The following BLTP1 variants were observed in gnomAD, a reference collection of about 807,000 sequenced individuals.
BLTP1 encodes bridge-like lipid transfer protein family member 1.
chr4:122,166,083 T>A, the BLTP1 span, among the ~76,000 whole-genome samples: 2 of 152,260 alleles, frequency 1.3e-5, no homozygotes, highest in South Asian at 4.1e-4. Flanking sequence ...TTTAATTAGA[T>A]CCCATTTGTC....
At chr4:122,348,180 A>C in the BLTP1 span, among the ~76,000 whole-genome samples, 1 of 152,196 alleles carries the variant, frequency 6.6e-6, no homozygotes, top group Non-Finnish European at 1.5e-5. Flanking sequence ...AGGCACCCCA[A>C]CCGGCATCTG....
the BLTP1 span, chr4:122,261,209 C>A: frequency 1.4e-6 from 1 of 708,656 alleles, no homozygotes; most frequent in Non-Finnish European, 1.7e-6. Context: ...AACTATTGAG[C>A]TTATTGTTTC....
the BLTP1 span, among the ~76,000 whole-genome samples, chr4:122,319,398 G>C: frequency 4.0e-5 from 6 of 151,708 alleles, no homozygotes; most frequent in Non-Finnish European, 8.8e-5. Context: ...CACTAATTTT[G>C]ATAAGTGTGT....
the BLTP1 span, chr4:122,337,041 CT>C: frequency 1.3e-6 from 2 of 1,567,018 alleles, no homozygotes; most frequent in East Asian, 4.5e-5. Context: ...TCATTTCTTT[CT>C]TTTTGTTTTA....
the BLTP1 span, chr4:122,173,158 TTTGAG>T: frequency 3.1e-6 from 5 of 1,605,848 alleles, no homozygotes; most frequent in African/African-American, 1.3e-5. Context: ...TATTGGTGAG[TTTGAG>T]TTAACACTGA....
At chr4:122,196,577 A>G in the BLTP1 span, 1 of 1,381,090 alleles carries the variant, frequency 7.2e-7, no homozygotes, top group Non-Finnish European at 1.0e-6. Flanking sequence ...ATGTTCCTTT[A>G]TCAGAAGTAA....
the BLTP1 span, among the ~76,000 whole-genome samples, chr4:122,158,313 G>T: frequency 6.6e-6 from 1 of 152,110 alleles, no homozygotes; most frequent in East Asian, 1.9e-4. Flanking sequence ...TTATCTCTTT[G>T]TATTGCTCAC....
the BLTP1 span, chr4:122,316,675 A>G: frequency 5.7e-6 from 9 of 1,572,576 alleles, no homozygotes; most frequent in South Asian, 1.2e-5. Flanking sequence ...TTGTGATAGT[A>G]TAGATTTGCT....
chr4:122,246,933 T>C, the BLTP1 span: 6 of 1,446,266 alleles, frequency 4.1e-6, no homozygotes, highest in African/African-American at 8.6e-5. Flanking sequence ...GAACTGGTTT[T>C]GGAATTTCAA....
the BLTP1 span, among the ~76,000 whole-genome samples, chr4:122,162,301 C>A: frequency 6.6e-6 from 1 of 152,164 alleles, no homozygotes; most frequent in Non-Finnish European, 1.5e-5. Flanking sequence ...GTTAGGTCTT[C>A]TCAAGTGATA....
At chr4:122,239,762 A>T in the BLTP1 span, 1 of 1,614,064 alleles carries the variant, frequency 6.2e-7, no homozygotes, top group Non-Finnish European at 8.5e-7. Flanking sequence ...AGCAGAGGAG[A>T]AGTTTTGGTT....
At chr4:122,189,443 A>C in the BLTP1 span, 1 of 979,762 alleles carries the variant, frequency 1.0e-6, no homozygotes, top group African/African-American at 1.7e-5. Context: ...GATTTATTTC[A>C]AGTTGATTAA....
chr4:122,362,376 G>A, the BLTP1 span: 402 of 727,122 alleles, frequency 5.5e-4, no homozygotes, highest in African/African-American at 6.5e-3. Context: ...TTAAAAGTTT[G>A]TAAGTTAACC....
At chr4:122,194,017 T>G in the BLTP1 span, among the ~76,000 whole-genome samples, 11 of 151,834 alleles carry the variant, frequency 7.2e-5, no homozygotes, top group Admixed American at 5.2e-4. Context: ...CGCCCGCCAC[T>G]ACGCCCGGCT....
At chr4:122,291,874 A>G in the BLTP1 span, 1 of 959,992 alleles carries the variant, frequency 1.0e-6, no homozygotes, top group South Asian at 4.8e-5. Flanking sequence ...TAAATTTTAA[A>G]CTTTTCTTTC....
At chr4:122,219,671 G>A in the BLTP1 span, 1 of 746,510 alleles carries the variant, frequency 1.3e-6, no homozygotes. Context: ...ATCAGATTTA[G>A]AAACTTCTAA....
chr4:122,305,161 C>T, the BLTP1 span: 10 of 977,532 alleles, frequency 1.0e-5, no homozygotes. Flanking sequence ...AAAATTGTAG[C>T]CGCATATTGT....
At chr4:122,349,359 T>C in the BLTP1 span, 11 of 1,576,180 alleles carry the variant, frequency 7.0e-6, no homozygotes, top group Non-Finnish European at 8.6e-6. This position sits in a 1 kb window ranked among gnomAD's most constrained non-coding sequence, Gnocchi z 4.5. Flanking sequence ...CCTTAAGATA[T>C]ATATATCAAA....
At chr4:122,152,478 A>T in the BLTP1 span, 1 of 985,748 alleles carries the variant, frequency 1.0e-6, no homozygotes. Flanking sequence ...CGCAGGCTGC[A>T]TCCGGCTCGG....
Sources: allele counts gnomAD v4.1 joint callset (sites outside exome capture counted in the v4.1 genomes callset), GRCh38; gene constraint gnomAD v4.1.1; non-coding constraint Gnocchi (gnomAD v3.1); transcripts MANE v1.5; gene names NCBI Gene and HGNC (gene_info 2026-07-23, HGNC 2026-07-21).